The following ADAMTS6 variants were observed in gnomAD, a reference collection of about 807,000 sequenced individuals.
ADAMTS6 encodes the protein A disintegrin and metalloproteinase with thrombospondin motifs 6.
In ADAMTS6, 23 loss-of-function variants were observed where a neutral mutation model predicts 144.3. That is an observed-to-expected ratio of 0.16 (90% CI 0.11 to 0.23). The LOEUF is 0.23. ADAMTS6 is among the 10% of genes least tolerant of loss of function. The pLI, the probability that ADAMTS6 is intolerant of heterozygous loss-of-function variation, is 1.00. For missense variants in ADAMTS6, 999 were observed against 1,379.6 expected (o/e 0.72, Z 4.37); for synonymous variants, 444 against 457.5 (o/e 0.97, Z 0.38).
intron 7 of ADAMTS6, chr5:65,415,782 G>A: frequency 3.9e-6 from 1 of 257,444 alleles, no homozygotes; most frequent in South Asian, 4.1e-5. Context: ...CCAAGGAGGT[G>A]GCCACTGCCA....
At chr5:65,233,881 A>G (rs1403408859) in intron 15 of ADAMTS6, among the ~76,000 whole-genome samples, 2 of 152,108 alleles carry the variant, frequency 1.3e-5, no homozygotes, top group Non-Finnish European at 2.9e-5. Context: ...TTTGAACTAT[A>G]TTACTAACCT....
At chr5:65,394,776 A>G (rs1159006304) in intron 7 of ADAMTS6, among the ~76,000 whole-genome samples, 4 of 152,220 alleles carry the variant, frequency 2.6e-5, no homozygotes, top group African/African-American at 9.6e-5. Flanking sequence ...TAGCAGCAGC[A>G]TTAAGTAGAG....
intron 7 of ADAMTS6, among the ~76,000 whole-genome samples, chr5:65,406,628 C>T (rs1324689407): frequency 1.3e-5 from 2 of 151,938 alleles, no homozygotes; most frequent in Non-Finnish European, 2.9e-5. Flanking sequence ...TGTGTATTTG[C>T]CAGGCTTTGG....
At chr5:65,266,217 A>T (rs1761618726) in intron 12 of ADAMTS6, among the ~76,000 whole-genome samples, 1 of 151,946 alleles carries the variant, frequency 6.6e-6, no homozygotes, top group South Asian at 2.1e-4. Flanking sequence ...AGTCACATGA[A>T]CTAAAGTCAT....
intron 21 of ADAMTS6, among the ~76,000 whole-genome samples, chr5:65,191,382 T>G (rs1030771213): frequency 1.4e-4 from 22 of 152,244 alleles, no homozygotes; most frequent in Admixed American, 1.2e-3. Flanking sequence ...GAAATAATCA[T>G]CATAAAACCA....
At chr5:65,376,745 C>A (rs1328424143) in intron 7 of ADAMTS6, among the ~76,000 whole-genome samples, 1 of 151,806 alleles carries the variant, frequency 6.6e-6, no homozygotes, top group Non-Finnish European at 1.5e-5. Flanking sequence ...GTGGAAGGAT[C>A]ACTTGAGCCT....
In ADAMTS6 at chr5:65,402,482, ACTT is replaced by A. The variant is rs551694794; in HGVS notation, c.1073+48990_1073+48992del. Reference sequence around the variant, plus strand: ...CTACTTTCATCAATGATTACTTCATACTTCTTCTCTCTCCTCAAATCTATAACA... The same window carrying A: ...CTACTTTCATCAATGATTACTTCATACTTCTCTCTCCTCAAATCTATAACA... On this transcript the variant is annotated intron_variant, in intron 7 of 24. Coordinates refer to ENST00000381055, the MANE Select transcript of ADAMTS6 (RefSeq NM_197941.4). 7.9e-5 allele frequency among the ~76,000 whole-genome samples: 12 copies of A among 152,194 alleles called. No individual in the cohort carries two copies. In the South Asian group the frequency reaches 1.2e-3, roughly 16 times the overall value.
At chr5:65,303,706 C>T (rs1004051769) in intron 9 of ADAMTS6, among the ~76,000 whole-genome samples, 3 of 151,542 alleles carry the variant, frequency 2.0e-5, no homozygotes, top group Non-Finnish European at 4.4e-5. Flanking sequence ...AGATAAAGTT[C>T]TAAAGGGGAA....
chr5:65,296,760 A>T (rs1169272993), intron 10 of ADAMTS6, among the ~76,000 whole-genome samples: 3 of 152,174 alleles, frequency 2.0e-5, no homozygotes, highest in African/African-American at 7.2e-5. Context: ...TTCAGCTTCC[A>T]TTCTTTCTGT....
At chr5:65,316,347 C>T (rs1744996595) in intron 9 of ADAMTS6, among the ~76,000 whole-genome samples, 1 of 152,116 alleles carries the variant, frequency 6.6e-6, no homozygotes, top group African/African-American at 2.4e-5. Context: ...ATAGAATACT[C>T]CATCCAAAAA....
intron 24 of ADAMTS6, among the ~76,000 whole-genome samples, chr5:65,168,991 C>T (rs375662602): frequency 2.3e-4 from 31 of 134,482 alleles, no homozygotes; most frequent in African/African-American, 7.3e-4. Context: ...ACTTCATGTC[C>T]AAAACACCAA....
intron 4 of ADAMTS6, among the ~76,000 whole-genome samples, chr5:65,458,504 C>T (rs1429194110): frequency 2.0e-5 from 3 of 152,152 alleles, no homozygotes; most frequent in Admixed American, 6.5e-5. Flanking sequence ...CTCCACCTCC[C>T]GGGTTTAAGC....
chr5:65,308,099 T>C (rs1466189884), intron 9 of ADAMTS6, among the ~76,000 whole-genome samples: 1 of 152,200 alleles, frequency 6.6e-6, no homozygotes, highest in African/African-American at 2.4e-5. Context: ...TTAGTTAACA[T>C]AATTTGCTTT....
chr5:65,454,477 C>G (rs1418572095), intron 4 of ADAMTS6, among the ~76,000 whole-genome samples: 1 of 152,136 alleles, frequency 6.6e-6, no homozygotes, highest in Non-Finnish European at 1.5e-5. Flanking sequence ...TTCTCTATAT[C>G]CAATTTTGGC....
intron 24 of ADAMTS6, among the ~76,000 whole-genome samples, chr5:65,158,334 G>C (rs1219182371): frequency 1.3e-5 from 2 of 152,164 alleles, no homozygotes; most frequent in Non-Finnish European, 2.9e-5. Flanking sequence ...ACATGAGGGA[G>C]TCTAAGAGCC....
intron 3 of ADAMTS6, among the ~76,000 whole-genome samples, chr5:65,465,983 T>C (rs1288336634): frequency 6.6e-6 from 1 of 152,164 alleles, no homozygotes; most frequent in Admixed American, 6.5e-5. Flanking sequence ...CTAATTCATA[T>C]CTCTCTTCTG....
intron 20 of ADAMTS6, among the ~76,000 whole-genome samples, chr5:65,202,353 A>G (rs1755792246): frequency 1.3e-5 from 2 of 152,194 alleles, no homozygotes; most frequent in Admixed American, 6.5e-5. Flanking sequence ...ACATACGTAT[A>G]CTGAGCTTAT....
intron 23 of ADAMTS6, among the ~76,000 whole-genome samples, chr5:65,171,455 T>TA (rs1210092665): frequency 6.6e-6 from 1 of 152,154 alleles, no homozygotes; most frequent in Non-Finnish European, 1.5e-5. Context: ...AGATAATACA[T>TA]AGAGATTTCT....
chr5:65,456,029 T>TGA (rs1486300069), intron 4 of ADAMTS6, among the ~76,000 whole-genome samples: 9 of 151,092 alleles, frequency 6.0e-5, no homozygotes, highest in Non-Finnish European at 1.2e-4. Flanking sequence ...TAATTATATA[T>TGA]TCAATATTTT....
Sources: gnomAD v4.1 joint callset for allele counts (sites outside exome capture counted in the v4.1 genomes callset) on GRCh38, gnomAD v4.1.1 for gene constraint, MANE v1.5 for transcripts, NCBI Gene and HGNC (gene_info 2026-07-23, HGNC 2026-07-21) for gene names.